The following AOAH variants were observed in gnomAD, a reference collection of about 807,000 sequenced individuals.
AOAH encodes acyloxyacyl hydrolase (neutrophil).
AOAH carries 64 observed loss-of-function variants against 92.2 expected under a neutral mutation model. The ratio of observed to expected loss-of-function variants is 0.69; its 90% CI spans 0.57 to 0.86. The LOEUF is 0.86. AOAH is among the 40% of genes least tolerant of loss of function. The probability of loss-of-function intolerance (pLI) is 0.00; values close to 1 mark genes in which losing one functional copy is unlikely to be tolerated. For synonymous variants in AOAH, 263 were observed against 254.5 expected (o/e 1.03, Z -0.32); for missense variants, 656 against 694.6 (o/e 0.94, Z 0.62).
chr7:36,595,498 G>A (rs1363103631), intron 11 of AOAH, among the ~76,000 whole-genome samples: 1 of 152,126 alleles, frequency 6.6e-6, no homozygotes, highest in African/African-American at 2.4e-5. Context: ...ACACCCCACT[G>A]TACTCCATCC....
rs114207148 is a variant in AOAH, at chr7:36,572,386, T to A, written c.1021+4188A>T. Among the ~76,000 whole-genome samples the A allele has an allele frequency of 9.3e-3, 1,408 of 151,752 alleles. 16 individuals are homozygous for A. The highest frequency in any genetic ancestry group is 0.032 in the African/African-American group (1,319 of 41,376). ...AATAAAAAATAAAAATAGTCAGGTG[T>A]GGTGGTACATGCATGTGGTCCCAGG... On this transcript the variant is annotated intron_variant, in intron 13 of 20. Coordinates refer to ENST00000617537, the MANE Select transcript of AOAH (RefSeq NM_001637.4).
At chr7:36,582,128 C>T (rs562555725) in intron 12 of AOAH, among the ~76,000 whole-genome samples, 1 of 152,292 alleles carries the variant, frequency 6.6e-6, no homozygotes, top group East Asian at 1.9e-4. Flanking sequence ...TGATTCTGGC[C>T]TCAAATCCTC....
intron 20 of AOAH, chr7:36,514,477 G>T (rs775375128): frequency 6.5e-7 from 1 of 1,534,572 alleles, no homozygotes; most frequent in Middle Eastern, 1.7e-4. Flanking sequence ...CTTACTCTCT[G>T]GTTCTGCTGT....
chr7:36,703,204 A>C (rs1041128016), intron 1 of AOAH, among the ~76,000 whole-genome samples: 1 of 152,028 alleles, frequency 6.6e-6, no homozygotes, highest in Admixed American at 6.6e-5. Flanking sequence ...ACCCCTCAAA[A>C]TCATTCTTGA....
chr7:36,715,204 T>G (rs1186051146), intron 1 of AOAH, among the ~76,000 whole-genome samples: 2 of 152,134 alleles, frequency 1.3e-5, no homozygotes, highest in African/African-American at 4.8e-5. Context: ...AGCCAAATCA[T>G]GAGTGAACTC....
intron 2 of AOAH, among the ~76,000 whole-genome samples, chr7:36,680,590 T>C (rs1293068101): frequency 6.6e-6 from 1 of 152,190 alleles, no homozygotes; most frequent in African/African-American, 2.4e-5. Context: ...AATCCTTAGC[T>C]AGGAGAACGT....
chr7:36,654,279 T>C (rs4278078), intron 4 of AOAH, among the ~76,000 whole-genome samples: 125,541 of 152,238 alleles, frequency 0.82, 52,174 homozygotes, highest in African/African-American at 0.93. Flanking sequence ...TCCCTTTCCT[T>C]CCTGTCCCTC....
intron 13 of AOAH, among the ~76,000 whole-genome samples, chr7:36,567,065 G>T (rs1307618155): frequency 6.6e-6 from 1 of 152,112 alleles, no homozygotes; most frequent in East Asian, 1.9e-4. Context: ...ACCCACCTCG[G>T]CCTCTCAAAG....
chr7:36,546,049 G>T (rs1338749549), intron 15 of AOAH, among the ~76,000 whole-genome samples: 1 of 152,208 alleles, frequency 6.6e-6, no homozygotes, highest in African/African-American at 2.4e-5. Flanking sequence ...ATTGAGCAGG[G>T]TTACAATGAG....
At chr7:36,649,006 CTT>C (rs1009871486) in intron 4 of AOAH, among the ~76,000 whole-genome samples, 25 of 152,258 alleles carry the variant, frequency 1.6e-4, no homozygotes, top group African/African-American at 5.5e-4. Flanking sequence ...AATGGAATAA[CTT>C]TATAATTGTG....
chr7:36,577,871 C>A (rs758535380), intron 12 of AOAH, among the ~76,000 whole-genome samples: 1 of 152,188 alleles, frequency 6.6e-6, no homozygotes, highest in Non-Finnish European at 1.5e-5. Context: ...TCACATCTCA[C>A]AACCTTACAT....
chr7:36,602,044 A>G (rs1304422383), intron 11 of AOAH, among the ~76,000 whole-genome samples: 1 of 152,238 alleles, frequency 6.6e-6, no homozygotes, highest in African/African-American at 2.4e-5. Context: ...TTCGATGCAC[A>G]TTCAACTTCA....
intron 3 of AOAH, among the ~76,000 whole-genome samples, chr7:36,669,377 C>CTTTTTTT (rs33911092): frequency 8.0e-6 from 1 of 125,502 alleles, no homozygotes; most frequent in Non-Finnish European, 1.6e-5. Context: ...CCCCCCCCAC[C>CTTTTTTT]TTTTTTTTTT....
At chr7:36,684,921 AAAAAAAAAAAAAAAAAAAG>A (rs1302967347) in intron 2 of AOAH, among the ~76,000 whole-genome samples, 4 of 119,742 alleles carry the variant, frequency 3.3e-5, no homozygotes, top group Non-Finnish European at 6.8e-5. Context: ...AAAAAAAAAA[AAAAAAAAAAAAAAAAAAAG>A]AAGAAGAAGA....
chr7:36,623,148 T>A, intron 7 of AOAH, 42 bp downstream of exon 7: 1 of 1,490,268 alleles, frequency 6.7e-7, no homozygotes, highest in South Asian at 1.1e-5. Context: ...TAGGAAGCAA[T>A]GTGATGTTAG....
rs143780315 is a variant in AOAH, at chr7:36,722,647, C to T, written c.127+1375G>A. Among the ~76,000 whole-genome samples, 239 of 152,082 alleles carry T rather than the reference C, an allele frequency of 1.6e-3. 1 individual carries two copies. The highest frequency in any genetic ancestry group is 5.2e-3 in the African/African-American group (216 of 41,466). On this transcript the variant is annotated intron_variant, in intron 1 of 20. Coordinates refer to ENST00000617537, the MANE Select transcript of AOAH (RefSeq NM_001637.4). ...AATCTGGGTCTTAATTAAAACAAGACTTTGGAGGCTGGGCGCGGTGGCTCA... is the reference window on the plus strand; with the variant it reads ...AATCTGGGTCTTAATTAAAACAAGATTTTGGAGGCTGGGCGCGGTGGCTCA...
intron 2 of AOAH, among the ~76,000 whole-genome samples, chr7:36,678,190 T>C (rs931650501): frequency 6.6e-6 from 1 of 152,074 alleles, no homozygotes; most frequent in Admixed American, 6.6e-5. Flanking sequence ...GTGGAGAGGG[T>C]CAAGAAGCTC....
chr7:36,573,628 G>C (rs554043884), intron 13 of AOAH, among the ~76,000 whole-genome samples: 2 of 152,234 alleles, frequency 1.3e-5, no homozygotes, highest in African/African-American at 4.8e-5. Context: ...TGAGGTAGGG[G>C]GATTGCTTGA....
In AOAH at chr7:36,685,738, G is replaced by A. The variant is rs181157612; in HGVS notation, c.223+961C>T. Among the ~76,000 whole-genome samples, 20 of 152,270 alleles carry A rather than the reference G, an allele frequency of 1.3e-4. No individual in the cohort carries two copies. The East Asian group carries it at 3.7e-3, about 28-fold the overall frequency. Reference sequence around the variant, plus strand: ...GCTGCCATGTTTTAACTTCACAAAAGAAAGATGTAATTATGATGTGAATAT... The same window carrying A: ...GCTGCCATGTTTTAACTTCACAAAAAAAAGATGTAATTATGATGTGAATAT... On this transcript the variant is annotated intron_variant, in intron 2 of 20. Coordinates refer to ENST00000617537, the MANE Select transcript of AOAH (RefSeq NM_001637.4).
Sources: allele counts gnomAD v4.1 joint callset (sites outside exome capture counted in the v4.1 genomes callset), GRCh38; gene constraint gnomAD v4.1.1; transcripts MANE v1.5; gene names NCBI Gene and HGNC (gene_info 2026-07-23, HGNC 2026-07-21).